The following GPM6A variants were observed in gnomAD, a reference collection of about 807,000 sequenced individuals.
GPM6A encodes glycoprotein M6A, also known as neuronal membrane glycoprotein M6-a.
A neutral mutation model predicts 32.1 loss-of-function variants in GPM6A; 7 were observed. That is an observed-to-expected ratio of 0.22 (90% CI 0.12 to 0.41). The LOEUF (loss-of-function observed/expected upper bound fraction) is 0.41, where lower values mean the gene tolerates loss of function less well. Among genes scored for constraint, GPM6A ranks in the 10% least tolerant of loss-of-function variants. GPM6A has a pLI of 1.00. For synonymous variants in GPM6A, 130 were observed against 123.4 expected (o/e 1.05, Z -0.35); for missense variants, 235 against 347.2 (o/e 0.68, Z 2.57).
At position 175,962,427 on chromosome 4, in the gene GPM6A, G is replaced by A. The variant is rs1246045487; in HGVS notation, c.-23+39882C>T. The A allele has an allele frequency of 4.2e-6, 3 of 709,892 alleles. No individual in the cohort carries two copies. In the Admixed American group the frequency reaches 5.4e-5, roughly 13 times the overall value. The allele number at this position is 709,892 out of a possible 1,614,324, so 44.0% of individuals were successfully genotyped here. A position where few individuals can be genotyped will look rare whatever the true frequency, so the allele number is the denominator to read the frequency against. ...CACTCCCAAGTGGGAGCAAAAGCAA[G>A]CCTGCCACCAACCTAGGACAATAAG... On this transcript the variant is annotated intron_variant, in intron 1 of 7. Transcript: ENST00000280187.
chr4:175,812,692 G>A (rs1734977785), upstream of GPM6A: 1 of 985,596 alleles, frequency 1.0e-6, no homozygotes, highest in Non-Finnish European at 1.2e-6. Flanking sequence ...ACAGATGGAG[G>A]GGTGTCCTCC....
intron 1 of GPM6A, among the ~76,000 whole-genome samples, chr4:175,719,500 G>C (rs1322991113): frequency 2.0e-5 from 3 of 152,094 alleles, no homozygotes; most frequent in East Asian, 1.9e-4. Flanking sequence ...TTCAAAATAT[G>C]TATGGACTAG....
intron 1 of GPM6A, among the ~76,000 whole-genome samples, chr4:175,741,313 T>C (rs970555127): frequency 6.6e-6 from 1 of 152,090 alleles, no homozygotes; most frequent in African/African-American, 2.4e-5. Flanking sequence ...CCACTGTCTA[T>C]TCTGCCTCTT....
Position 175,762,618 on chromosome 4 carries a change from T to G in GPM6A, c.37+49573A>C, listed in dbSNP as rs1246180039. Reference sequence around the variant, plus strand: ...TTCTAGACAGATAAAATATTATTCATGAATGTTATAAAAAGGCATTCGATT... The same window carrying G: ...TTCTAGACAGATAAAATATTATTCAGGAATGTTATAAAAAGGCATTCGATT... On this transcript the variant is annotated intron_variant, in intron 1 of 6. Transcript: ENST00000393658. 3.3e-5 allele frequency among the ~76,000 whole-genome samples: 5 copies of G among 152,194 alleles called. No individual in the cohort carries two copies. In the East Asian group the frequency reaches 9.6e-4, roughly 29 times the overall value.
chr4:175,637,363 T>C (rs1424973575), intron 6 of GPM6A, among the ~76,000 whole-genome samples: 1 of 79,844 alleles, frequency 1.3e-5, no homozygotes, highest in Non-Finnish European at 2.2e-5. Context: ...ATATAATATA[T>C]AACATATAAT....
chr4:175,830,467 A>G (rs1326304029), intron 1 of GPM6A, among the ~76,000 whole-genome samples: 1 of 152,210 alleles, frequency 6.6e-6, no homozygotes, highest in Non-Finnish European at 1.5e-5. Context: ...TGCACCGGAC[A>G]CTGTTCTTCA....
chr4:175,733,409 A>C (rs1305801659), intron 1 of GPM6A, among the ~76,000 whole-genome samples: 1 of 152,188 alleles, frequency 6.6e-6, no homozygotes, highest in Non-Finnish European at 1.5e-5. Context: ...AGGCTGAGGC[A>C]GGAGAATCAC....
intron 1 of GPM6A, among the ~76,000 whole-genome samples, chr4:175,884,459 C>G (rs1337458590): frequency 6.6e-6 from 1 of 152,134 alleles, no homozygotes; most frequent in Non-Finnish European, 1.5e-5. Flanking sequence ...AAAGACCACT[C>G]TTATTTTAAA....
chr4:175,937,450 G>A (rs1739276106), intron 1 of GPM6A, among the ~76,000 whole-genome samples: 1 of 152,074 alleles, frequency 6.6e-6, no homozygotes, highest in Non-Finnish European at 1.5e-5. Flanking sequence ...CTAAGTTACA[G>A]AACAAGCTGC....
chr4:175,988,077 A>G (rs549643409), intron 1 of GPM6A, among the ~76,000 whole-genome samples: 32 of 152,304 alleles, frequency 2.1e-4, no homozygotes, highest in Non-Finnish European at 4.3e-4. Context: ...ACCTTTATCT[A>G]GAAAAATAAA....
chr4:175,869,619 T>C (rs773527634), intron 1 of GPM6A, among the ~76,000 whole-genome samples: 12 of 152,016 alleles, frequency 7.9e-5, no homozygotes, highest in Non-Finnish European at 1.5e-4. Context: ...TATCTGGGCA[T>C]GGTGGTGCGC....
At chr4:175,741,610 A>T (rs1018540096) in intron 1 of GPM6A, among the ~76,000 whole-genome samples, 22 of 152,240 alleles carry the variant, frequency 1.4e-4, no homozygotes, top group African/African-American at 5.3e-4. Flanking sequence ...TAGGTTCTAC[A>T]CACTACTTTA....
chr4:175,864,455 T>C (rs1459325275), intron 1 of GPM6A, among the ~76,000 whole-genome samples: 1 of 152,184 alleles, frequency 6.6e-6, no homozygotes, highest in Non-Finnish European at 1.5e-5. Context: ...ATTACAGGCA[T>C]GGGCTACCAT....
chr4:175,993,542 G>A (rs541447128), intron 1 of GPM6A, among the ~76,000 whole-genome samples: 77 of 152,156 alleles, frequency 5.1e-4, no homozygotes, highest in African/African-American at 1.6e-3. Context: ...TCTATACCCT[G>A]TTCTGAACAG....
chr4:175,638,539 A>G (rs1264716081), intron 6 of GPM6A, among the ~76,000 whole-genome samples: 5 of 152,266 alleles, frequency 3.3e-5, no homozygotes, highest in African/African-American at 7.2e-5. Flanking sequence ...ATAAATTTCT[A>G]TCATCTCAAA....
intron 1 of GPM6A, among the ~76,000 whole-genome samples, chr4:175,792,430 A>G (rs769343805): frequency 3.4e-4 from 52 of 152,206 alleles, no homozygotes; most frequent in Non-Finnish European, 6.6e-4. Context: ...TGAAGAAAAT[A>G]GCCAAAAAGA....
At chr4:175,639,912 A>G (rs1036487350) in intron 6 of GPM6A, among the ~76,000 whole-genome samples, 3 of 152,118 alleles carry the variant, frequency 2.0e-5, no homozygotes, top group African/African-American at 7.2e-5. Flanking sequence ...ATGAATTACT[A>G]TTTTTGTTAA....
chr4:175,674,162 C>T (rs1370898654), intron 2 of GPM6A, among the ~76,000 whole-genome samples: 1 of 152,010 alleles, frequency 6.6e-6, no homozygotes, highest in Non-Finnish European at 1.5e-5. Context: ...GGAATTTGCT[C>T]CTTATTTTTA....
At chr4:175,828,389 G>A (rs1182395148) in intron 1 of GPM6A, among the ~76,000 whole-genome samples, 1 of 152,144 alleles carries the variant, frequency 6.6e-6, no homozygotes, top group Non-Finnish European at 1.5e-5. Flanking sequence ...AACTTTGGAT[G>A]GTTCCATGGC....
Sources: gnomAD v4.1 joint callset for allele counts (sites outside exome capture counted in the v4.1 genomes callset) on GRCh38, gnomAD v4.1.1 for gene constraint, MANE v1.5 for transcripts, NCBI Gene and HGNC (gene_info 2026-07-23, HGNC 2026-07-21) for gene names.